Variants in DCN observed in about 807,000 individuals in gnomAD.
DCN encodes the protein decorin.
A neutral mutation model predicts 36.5 loss-of-function variants in DCN; 17 were observed. The observed-to-expected ratio is 0.47, with a 90% CI of 0.32 to 0.70. The LOEUF is 0.70. Ranked by LOEUF, DCN falls within the 30% of genes least tolerant of loss-of-function variation. The pLI, the probability that DCN is intolerant of heterozygous loss-of-function variation, is 0.04. For synonymous variants in DCN, 163 were observed against 161.4 expected, an observed-to-expected ratio of 1.01 and a Z score of -0.07; for missense variants, 389 against 430.1, an observed-to-expected ratio of 0.90 and a Z score of 0.84.
rs778106045 is a variant in DCN, at chr12:91,153,090, T to C, written c.746+6A>G. On this transcript the variant is annotated splice_donor_region_variant and intron_variant, in intron 6 of 7. Transcript: ENST00000052754. ...CTGATAGAATGTCATGAAAGAATAT[T>C]ATTACTTAGCCAAATTATTCAGTCC... The C allele has an allele frequency of 2.7e-6, 4 of 1,503,560 alleles. No homozygotes were observed. In the East Asian group the frequency reaches 9.0e-5, roughly 34 times the overall value. 93.1% of individuals were successfully genotyped at this position (1,503,560 alleles called of 1,614,324 possible). A position where few individuals can be genotyped will look rare whatever the true frequency, so the allele number is the denominator to read the frequency against.
chr12:91,158,146 C>T (rs1355083994), intron 4 of DCN, 150 bp downstream of exon 4: 2 of 622,660 alleles, frequency 3.2e-6, no homozygotes, highest in Non-Finnish European at 5.7e-6. Context: ...GATTCAAAAT[C>T]CCAATTTCTC....
chr12:91,174,734 G>C (rs1883186877), intron 2 of DCN, among the ~76,000 whole-genome samples: 1 of 152,102 alleles, frequency 6.6e-6, no homozygotes, highest in Non-Finnish European at 1.5e-5. Context: ...CACAGCCCAA[G>C]TTCTTTCCAC....
At chr12:91,164,745 G>T in intron 2 of DCN, 28 bp from the exon 3 acceptor site, 1 of 1,159,972 alleles carries the variant, frequency 8.6e-7, no homozygotes, top group Non-Finnish European at 1.3e-6. Flanking sequence ...GGAGTGTGCT[G>T]TGAGTAGAAA....
intron 1 of DCN, among the ~76,000 whole-genome samples, chr12:91,181,241 G>A (rs1304869554): frequency 6.6e-6 from 1 of 151,662 alleles, no homozygotes; most frequent in Non-Finnish European, 1.5e-5. Flanking sequence ...ACTGTACTGT[G>A]AAAAAATAAT....
intron 2 of DCN, chr12:91,177,520 C>A: frequency 2.9e-6 from 2 of 699,548 alleles, no homozygotes; most frequent in Non-Finnish European, 5.2e-6. Flanking sequence ...AATGAGCTGC[C>A]ATGTAAACTG....
Position 91,161,163 on chromosome 12 carries a change from TACTTTGAAGTAG to T in DCN, c.325-2666_325-2655del, listed in dbSNP as rs563486467. Reference sequence around the variant, plus strand: ...GAACTCTCTTTATTCATCTGATGTATACTTTGAAGTAGAAAGAAAGAGATTGTCAAGATGATG... The same window carrying T: ...GAACTCTCTTTATTCATCTGATGTATAAAGAAAGAGATTGTCAAGATGATG... On this transcript the variant is annotated intron_variant, in intron 3 of 7. Coordinates refer to ENST00000052754, the MANE Select transcript of DCN (RefSeq NM_001920.5). Among the ~76,000 whole-genome samples, 11 of 152,336 alleles carry T rather than the reference TACTTTGAAGTAG, an allele frequency of 7.2e-5. No individual in the cohort carries two copies. The East Asian group carries it at 2.1e-3, about 29-fold the overall frequency.
rs779957336 is a variant in DCN at position 91,178,542 on chromosome 12, G to A, written c.11C>T (p.Thr4Ile). The change falls in exon 2 of 8, where the codon ACT (threonine) becomes ATT (isoleucine). Residue 4 changes from threonine (T) to isoleucine (I), a missense_variant. Thr to Ile is a moderately conservative substitution (Grantham distance 89). Coordinates refer to ENST00000052754, the MANE Select transcript of DCN (RefSeq NM_001920.5). MKA[T>I]IILLLLAQVS... is the part of the protein sequence containing the mutation. ...TTGTGCAAGCAGAAGGAGGATGATA[G>A]TGGCCTTCATGATTTATCTCATGTA... The A allele has an allele frequency of 6.2e-7, 1 of 1,613,750 alleles. No individual in the cohort carries two copies. The highest frequency in any genetic ancestry group is 1.1e-5 in the South Asian group (1 of 91,076).
rs1880980266 is a variant in DCN at position 91,145,942 on chromosome 12, T to C, written c.*116A>G. Reference sequence around the variant, plus strand: ...ATTTGGCTTTATGCATAATAAGTCATGTGGGTAAAACATCCACATTGCAGT... The same window carrying C: ...ATTTGGCTTTATGCATAATAAGTCACGTGGGTAAAACATCCACATTGCAGT... On this transcript the variant is annotated 3_prime_UTR_variant, in exon 8 of 8. Transcript: ENST00000052754. 4.4e-6 allele frequency: 4 copies of C among 913,824 alleles called. No homozygotes were observed. The highest frequency in any genetic ancestry group is 7.0e-6 in the Non-Finnish European group (4 of 570,198). The allele number at this position is 913,824 out of a possible 1,614,324, so 56.6% of individuals were successfully genotyped here. A position where few individuals can be genotyped will look rare whatever the true frequency, so the allele number is the denominator to read the frequency against.
chr12:91,153,257 TAAAG>T, intron 5 of DCN, 68 bp from the exon 6 acceptor site: 1 of 887,222 alleles, frequency 1.1e-6, no homozygotes, highest in Non-Finnish European at 1.9e-6. Context: ...TGGACAAACT[TAAAG>T]AAGACATATG....
At position 91,144,159 on chromosome 12, in the gene DCN, A is replaced by G. The variant is rs1219291689; in HGVS notation, c.*1899T>C. 3 of 152,206 alleles carry G rather than the reference A, an allele frequency of 2.0e-5. No homozygotes were observed. The highest frequency in any genetic ancestry group is 7.2e-5 in the African/African-American group (3 of 41,458). The allele number at this position is 152,206 out of a possible 1,614,324, so 9.4% of individuals were successfully genotyped here. ...AGGGTATATCATTCAAGGCTATAAC[A>G]TGGAGTGTGCATCATTGAAGGCTAC... is the stretch of plus-strand genomic sequence containing the variant. On this transcript the variant is annotated 3_prime_UTR_variant, in exon 8 of 8. Coordinates refer to ENST00000052754, the MANE Select transcript of DCN (RefSeq NM_001920.5).
chr12:91,146,185 T>C lies in DCN; in HGVS notation c.953A>G (p.Asn318Ser). The change falls in exon 8 of 8, where the codon AAC (asparagine) becomes AGC (serine). Residue 318 changes from asparagine to serine, a missense_variant. Asn to Ser is a conservative substitution (Grantham distance 46, BLOSUM62 1). Transcript: ENST00000052754. Reference sequence around the variant, plus strand: ...ACCCGAATAAGAAGCCTTTTTGGTGTTGTGTCCAGGTGGGCAGAAGTCACT... The same window carrying C: ...ACCCGAATAAGAAGCCTTTTTGGTGCTGTGTCCAGGTGGGCAGAAGTCACT... The part of the protein sequence containing the change: ...GSSDFCPPGH[N>S]TKKASYSGVS... 1 of 1,613,712 alleles carries C rather than the reference T, an allele frequency of 6.2e-7. No individual in the cohort carries two copies. Among genetic ancestry groups the C allele is most frequent in the South Asian group, 1.1e-5 (1 of 91,026 alleles).
intron 3 of DCN, among the ~76,000 whole-genome samples, chr12:91,160,495 G>A (rs1882091556): frequency 6.6e-6 from 1 of 151,756 alleles, no homozygotes; most frequent in Non-Finnish European, 1.5e-5. Flanking sequence ...ACATTTATAG[G>A]CAATTATTAG....
intron 1 of DCN, among the ~76,000 whole-genome samples, 191 bp from the exon 2 acceptor site, chr12:91,178,776 ATTTAC>A (rs764368463): frequency 1.7e-4 from 26 of 152,304 alleles, no homozygotes; most frequent in Admixed American, 2.6e-4. Flanking sequence ...TTGCACAGCT[ATTTAC>A]TTAGGATGAG....
At chr12:91,164,811 A>G in intron 2 of DCN, 94 bp from the exon 3 acceptor site, 2 of 746,206 alleles carry the variant, frequency 2.7e-6, no homozygotes, top group South Asian at 2.9e-5. Context: ...TAATGTTATG[A>G]TGATCATCTT....
rs1880800393 is a variant in DCN at position 91,142,981 on chromosome 12, A to G, written c.*3077T>C. ...TGGAAATAGAGTCTTTGCAGATATA[A>G]TCAAGTTAAGATGGGTTCATACTAA... On this transcript the variant is annotated 3_prime_UTR_variant, in exon 8 of 8. Coordinates refer to ENST00000052754, the MANE Select transcript of DCN (RefSeq NM_001920.5). 1 of 152,210 alleles carries G rather than the reference A, an allele frequency of 6.6e-6. No individual in the cohort carries two copies. Among genetic ancestry groups the G allele is most frequent in the Non-Finnish European group, 1.5e-5 (1 of 68,044 alleles). 9.4% of individuals were successfully genotyped at this position (152,210 alleles called of 1,614,324 possible). A position where few individuals can be genotyped will look rare whatever the true frequency, so the allele number is the denominator to read the frequency against.
At chr12:91,176,808 A>G (rs1242871665) in intron 2 of DCN, 1 of 152,122 alleles carries the variant, frequency 6.6e-6, no homozygotes, top group Non-Finnish European at 1.5e-5. Flanking sequence ...TTTTTTGGGA[A>G]CTTCGCCATT....
At chr12:91,180,664 C>A (rs1361527958) in intron 1 of DCN, 5 of 152,150 alleles carry the variant, frequency 3.3e-5, no homozygotes, top group Non-Finnish European at 7.4e-5. Flanking sequence ...CTTCTTCTAG[C>A]AGCCCACTCT....
In DCN at chr12:91,145,970, G is replaced by A; in HGVS notation, c.*88C>T. On this transcript the variant is annotated 3_prime_UTR_variant, in exon 8 of 8. Transcript: ENST00000052754. ...GGGTAAAACATCCACATTGCAGTTA[G>A]GTTTCCAGTATCTAGCTTTTATTTA... is the stretch of plus-strand genomic sequence containing the variant. The A allele has an allele frequency of 8.7e-7, 1 of 1,154,020 alleles. No homozygotes were observed. Among genetic ancestry groups the A allele is most frequent in the Non-Finnish European group, 1.3e-6 (1 of 765,870 alleles). 71.5% of individuals were successfully genotyped at this position (1,154,020 alleles called of 1,614,324 possible).
intron 7 of DCN, among the ~76,000 whole-genome samples, chr12:91,147,157 C>T (rs564712432): frequency 2.6e-5 from 4 of 152,270 alleles, no homozygotes; most frequent in African/African-American, 9.6e-5. Context: ...ATCTGACATC[C>T]TTCTACTCTG....
Sources: allele counts gnomAD v4.1 joint callset (sites outside exome capture counted in the v4.1 genomes callset), GRCh38; gene constraint gnomAD v4.1.1; transcripts MANE v1.5; gene names NCBI Gene and HGNC (gene_info 2026-07-23, HGNC 2026-07-21).